PRICKLE2: variants seen among roughly 807,000 people sequenced by gnomAD.
PRICKLE2 encodes prickle planar cell polarity protein 2.
A neutral mutation model predicts 81.4 loss-of-function variants in PRICKLE2; 21 were observed. That is an observed-to-expected ratio of 0.26 (90% confidence interval 0.18 to 0.37). The LOEUF (loss-of-function observed/expected upper bound fraction) is 0.37. Ranked by LOEUF, PRICKLE2 falls within the 10% of genes least tolerant of loss-of-function variation. The pLI is 1.00. For synonymous variants in PRICKLE2, 456 were observed against 421.5 expected (o/e 1.08, Z -1.00); for missense variants, 940 against 1,109.0 (o/e 0.85, Z 2.16).
In PRICKLE2 at chr3:64,150,954, G is replaced by A. The variant is rs868187884; in HGVS notation, c.787+2228C>T. On this transcript the variant is annotated intron_variant, in intron 6 of 7. Transcript: ENST00000638394. ...CATCTGGAAAAGGGCTCTGCTGTTC[G>A]ACATCTAAGCGTTCTTTTTTTATTC... is the stretch of plus-strand genomic sequence containing the variant. 2.6e-5 allele frequency among the ~76,000 whole-genome samples: 4 copies of A among 152,146 alleles called. No individual in the cohort carries two copies. The South Asian group carries it at 6.2e-4, about 24-fold the overall frequency.
At chr3:64,215,672 T>TA (rs1422301079) in intron 1 of PRICKLE2, among the ~76,000 whole-genome samples, 1 of 152,226 alleles carries the variant, frequency 6.6e-6, no homozygotes, top group African/African-American at 2.4e-5. Flanking sequence ...GTGATTCAAC[T>TA]ACATGACGAG....
intron 2 of PRICKLE2, among the ~76,000 whole-genome samples, chr3:64,231,538 G>T (rs1014444645): frequency 1.3e-5 from 2 of 152,110 alleles, no homozygotes; most frequent in Admixed American, 6.6e-5. Flanking sequence ...CGAACACTCA[G>T]GTTCCTACAC....
chr3:64,154,169 C>T (rs1218220559), intron 5 of PRICKLE2: 1 of 152,142 alleles, frequency 6.6e-6, no homozygotes, highest in Non-Finnish European at 1.5e-5. Context: ...ATAGTTTTCT[C>T]AACAAACAGA....
chr3:64,178,270 A>C (rs1281117566), intron 2 of PRICKLE2, among the ~76,000 whole-genome samples: 1 of 152,130 alleles, frequency 6.6e-6, no homozygotes, highest in African/African-American at 2.4e-5. Flanking sequence ...AACCGTATAT[A>C]TTCTGTATCT....
At chr3:64,231,337 T>C (rs937382816) in intron 2 of PRICKLE2, among the ~76,000 whole-genome samples, 17 of 152,228 alleles carry the variant, frequency 1.1e-4, no homozygotes, top group African/African-American at 3.6e-4. Context: ...CATGAAAATA[T>C]TGTTAAACTG....
chr3:64,146,636 G>T (rs534928073), intron 7 of PRICKLE2, 194 bp downstream of exon 7: 1 of 597,828 alleles, frequency 1.7e-6, no homozygotes, highest in Non-Finnish European at 2.9e-6. Flanking sequence ...CCAACTACTC[G>T]TGAGGCTGAG....
intron 2 of PRICKLE2, among the ~76,000 whole-genome samples, chr3:64,260,772 C>G (rs2079604975): frequency 6.6e-6 from 1 of 152,156 alleles, no homozygotes; most frequent in South Asian, 2.1e-4. Context: ...CTTTTGGGGC[C>G]AGAGAGAAGA....
At chr3:64,118,190 T>A (rs1192349484) in intron 7 of PRICKLE2, among the ~76,000 whole-genome samples, 1 of 151,976 alleles carries the variant, frequency 6.6e-6, no homozygotes, top group East Asian at 1.9e-4. Context: ...TACACAAAAA[T>A]TAACTCAAGA....
chr3:64,106,577 C>T (rs985089576), intron 7 of PRICKLE2, among the ~76,000 whole-genome samples: 6 of 152,208 alleles, frequency 3.9e-5, no homozygotes, highest in Non-Finnish European at 8.8e-5. Flanking sequence ...GCCTCCAAAC[C>T]GTGGCTGGGA....
At chr3:64,158,715 C>A (rs1259977781) in intron 4 of PRICKLE2, among the ~76,000 whole-genome samples, 2 of 152,192 alleles carry the variant, frequency 1.3e-5, no homozygotes, top group Non-Finnish European at 2.9e-5. Context: ...TCTCAGATCA[C>A]AACCACTGAC....
intron 1 of PRICKLE2, among the ~76,000 whole-genome samples, chr3:64,209,369 C>A (rs56086748): frequency 0.34 from 51,948 of 151,166 alleles, 10,679 homozygotes; most frequent in Admixed American, 0.45. Context: ...TATATCCGTA[C>A]ATACATCCAT....
chr3:64,145,163 G>A (rs1304672380), intron 7 of PRICKLE2, among the ~76,000 whole-genome samples: 1 of 146,704 alleles, frequency 6.8e-6, no homozygotes, highest in East Asian at 2.0e-4. Flanking sequence ...GCAGAGGTGG[G>A]ATCATTGCTT....
chr3:64,160,083 T>C lies in PRICKLE2; in HGVS notation c.259-6A>G, dbSNP rs2306380. On this transcript the variant is annotated splice_polypyrimidine_tract_variant and splice_region_variant and intron_variant, in intron 3 of 7. Coordinates refer to ENST00000638394, the MANE Select transcript of PRICKLE2 (RefSeq NM_198859.4). ...AGGGAGTTGCAATATCGAACCTGAA[T>C]AGACACAGACAATGGCATGGAAAAA... 0.37 allele frequency: 595,597 copies of C among 1,611,922 alleles called. 112,681 individuals are homozygous for C. Among genetic ancestry groups the C allele is most frequent in the Non-Finnish European group, 0.39 (459,558 of 1,178,336 alleles).
Position 64,225,117 on chromosome 3 carries a change from C to T in PRICKLE2, c.-248G>A. ...AACAGACTCAAGCCGAGCTGCTCCA[C>T]ATTCCCTCAGGGAAAACAGCACTGC... On this transcript the variant is annotated 5_prime_UTR_variant, in exon 1 of 8. In the 5' UTR this introduces an upstream ATG that the reference lacks. Transcript: ENST00000638394. 1 of 985,506 alleles carries T rather than the reference C, an allele frequency of 1.0e-6. No individual in the cohort carries two copies. Among genetic ancestry groups the T allele is most frequent in the Non-Finnish European group, 1.2e-6 (1 of 830,014 alleles). 61.0% of individuals were successfully genotyped at this position (985,506 alleles called of 1,614,324 possible).
intron 2 of PRICKLE2, among the ~76,000 whole-genome samples, chr3:64,168,076 A>C (rs1157599782): frequency 6.6e-6 from 1 of 152,210 alleles, no homozygotes; most frequent in East Asian, 1.9e-4. Context: ...CCACACCTAG[A>C]TATATGATTC....
intron 2 of PRICKLE2, among the ~76,000 whole-genome samples, chr3:64,244,223 T>C (rs956497378): frequency 6.6e-6 from 1 of 152,196 alleles, no homozygotes; most frequent in African/African-American, 2.4e-5. Flanking sequence ...TTCTGTTTAA[T>C]TTTACTCAGT....
At chr3:64,201,342 C>A (rs541537125) in intron 1 of PRICKLE2, among the ~76,000 whole-genome samples, 36 of 152,266 alleles carry the variant, frequency 2.4e-4, no homozygotes, top group African/African-American at 8.2e-4. Context: ...AATATCTGTA[C>A]CTTTGTACAT....
chr3:64,164,068 G>C (rs2077783214), intron 2 of PRICKLE2, among the ~76,000 whole-genome samples: 2 of 152,128 alleles, frequency 1.3e-5, no homozygotes. Context: ...GGAAGACTGA[G>C]GGCTCTGAAA....
At chr3:64,123,058 TG>T (rs1306279358) in intron 7 of PRICKLE2, among the ~76,000 whole-genome samples, 1 of 152,206 alleles carries the variant, frequency 6.6e-6, no homozygotes, top group Non-Finnish European at 1.5e-5. Context: ...TTTGTGGTTC[TG>T]TCAAGCACCC....
Sources: gnomAD v4.1 joint callset for allele counts (sites outside exome capture counted in the v4.1 genomes callset) on GRCh38, gnomAD v4.1.1 for gene constraint, MANE v1.5 for transcripts, NCBI Gene and HGNC (gene_info 2026-07-23, HGNC 2026-07-21) for gene names.